DAB1: variants seen among roughly 807,000 people sequenced by gnomAD.
The protein encoded by DAB1 is disabled homolog 1.
Under a neutral mutation model 64.6 loss-of-function variants are expected in DAB1, and 15 were observed. That is an observed-to-expected ratio of 0.23 (90% CI 0.16 to 0.36). The LOEUF (loss-of-function observed/expected upper bound fraction) is 0.36. DAB1 is among the 10% of genes least tolerant of loss of function. The pLI is 1.00. For synonymous variants in DAB1, 235 were observed against 251.9 expected (o/e 0.93, Z 0.64); for missense variants, 596 against 706.7 (o/e 0.84, Z 1.78).
chr1:57,422,570 G>A (rs1311439428), intron 1 of DAB1, among the ~76,000 whole-genome samples: 1 of 152,050 alleles, frequency 6.6e-6, no homozygotes, highest in Non-Finnish European at 1.5e-5. Flanking sequence ...TGCCCGCGTC[G>A]CGGCGCTCTC....
intron 2 of DAB1, among the ~76,000 whole-genome samples, chr1:57,225,623 C>T (rs180883691): frequency 6.6e-6 from 1 of 152,060 alleles, no homozygotes; most frequent in Non-Finnish European, 1.5e-5. Context: ...CAGATAAATT[C>T]AATATAAAGT....
chr1:57,118,410 C>G (rs1389910585), intron 4 of DAB1, among the ~76,000 whole-genome samples: 2 of 152,176 alleles, frequency 1.3e-5, no homozygotes, highest in Admixed American at 6.5e-5. Flanking sequence ...TAGCATATCC[C>G]AGTTAAGGTG....
chr1:57,052,576 A>G (rs1210642686), intron 9 of DAB1, among the ~76,000 whole-genome samples: 2 of 152,220 alleles, frequency 1.3e-5, no homozygotes, highest in East Asian at 3.8e-4. Context: ...GTGAGCTACT[A>G]TAATGTCAAG....
intron 4 of DAB1, among the ~76,000 whole-genome samples, chr1:58,194,692 A>G (rs1290955060): frequency 1.3e-5 from 2 of 152,188 alleles, no homozygotes; most frequent in Non-Finnish European, 1.5e-5. Flanking sequence ...GGTTCTGTGT[A>G]TCAGCTTCCT....
intron 2 of DAB1, among the ~76,000 whole-genome samples, chr1:57,240,320 A>T (rs916385976): frequency 3.9e-5 from 6 of 152,206 alleles, no homozygotes; most frequent in African/African-American, 1.4e-4. Flanking sequence ...TAATACACTT[A>T]AAAAAGACAA....
At chr1:57,341,864 A>G (rs762232002) in intron 1 of DAB1, among the ~76,000 whole-genome samples, 5 of 152,210 alleles carry the variant, frequency 3.3e-5, no homozygotes, top group Non-Finnish European at 7.3e-5. Context: ...TGCTATAGAC[A>G]GCACGCTGTA....
chr1:58,526,343 T>C (rs1646349582), intron 2 of DAB1, among the ~76,000 whole-genome samples: 2 of 152,020 alleles, frequency 1.3e-5, no homozygotes, highest in Admixed American at 6.5e-5. Context: ...TTATGAGAGG[T>C]TCAAATAAAA....
chr1:57,912,704 G>A lies in DAB1; in HGVS notation n.388-28542C>T, dbSNP rs866582117. On this transcript the variant is annotated intron_variant and non_coding_transcript_variant, in intron 5 of 20. Transcript: ENST00000485760. ...TATATCTAGAAAGCCCCATCGTCTC[G>A]GCCCAAAATCTCCTTAAGCTGATAA... Among the ~76,000 whole-genome samples the A allele has an allele frequency of 2.9e-3, 448 of 152,026 alleles. 4 individuals are homozygous for A. The highest frequency in any genetic ancestry group is 6.8e-3 in the Middle Eastern group (2 of 294).
At position 57,337,303 on chromosome 1, in the gene DAB1, C is replaced by T. The variant is rs748993566; in HGVS notation, c.-136-46137G>A. Reference sequence around the variant, plus strand: ...TCTCTATGAACTTCCCACCTTATCCCCTTTATTTCTCTGACCACCACTCTT... The same window carrying T: ...TCTCTATGAACTTCCCACCTTATCCTCTTTATTTCTCTGACCACCACTCTT... On this transcript the variant is annotated intron_variant, in intron 1 of 14. Transcript: ENST00000371236. Among the ~76,000 whole-genome samples, 33 of 152,328 alleles carry T rather than the reference C, an allele frequency of 2.2e-4. No homozygotes were observed. In the Middle Eastern group the frequency reaches 0.01, roughly 47 times the overall value.
chr1:58,341,247 T>C (rs1031740996), intron 4 of DAB1, among the ~76,000 whole-genome samples: 2 of 152,158 alleles, frequency 1.3e-5, no homozygotes, highest in Non-Finnish European at 2.9e-5. Flanking sequence ...CATAATAGTC[T>C]ATCAGTTAAA....
At chr1:57,914,793 A>G (rs2102013944) in intron 5 of DAB1, among the ~76,000 whole-genome samples, 1 of 152,342 alleles carries the variant, frequency 6.6e-6, no homozygotes, top group Admixed American at 6.5e-5. Context: ...TATAAACATT[A>G]TATTGAGCCT....
chr1:58,050,775 C>T (rs906074002), intron 5 of DAB1, among the ~76,000 whole-genome samples: 22 of 152,214 alleles, frequency 1.4e-4, no homozygotes, highest in South Asian at 8.3e-4. Context: ...GTGATCCGCC[C>T]GCCTCGGCCT....
intron 1 of DAB1, among the ~76,000 whole-genome samples, chr1:57,842,847 T>C (rs1451499466): frequency 6.6e-6 from 1 of 152,232 alleles, no homozygotes; most frequent in Non-Finnish European, 1.5e-5. Flanking sequence ...TATCACTTAG[T>C]GTACCTTAAG....
At chr1:58,188,059 C>T (rs893052270) in intron 4 of DAB1, among the ~76,000 whole-genome samples, 1 of 151,950 alleles carries the variant, frequency 6.6e-6, no homozygotes, top group African/African-American at 2.4e-5. Context: ...CAGGAGCCTG[C>T]CACCATGCCC....
At position 57,053,660 on chromosome 1, in the gene DAB1, C is replaced by CTCTA. The variant is rs1399510534; in HGVS notation, c.723+9223_723+9224insTAGA. 4.3e-5 allele frequency among the ~76,000 whole-genome samples: 5 copies of CTCTA among 116,698 alleles called. 1 individual carries two copies. The highest frequency in any genetic ancestry group is 1.7e-4 in the African/African-American group (5 of 30,092). The allele number at this position is 116,698 out of a possible 152,430, so 76.6% of individuals were successfully genotyped here. On this transcript the variant is annotated intron_variant, in intron 9 of 14. Transcript: ENST00000371236. ...TCTAAGAATCTCTCTCTCTCTCTCT[C>CTCTA]TATATGTATATATATATATATATAT...
chr1:57,937,953 G>T (rs1645051169), intron 5 of DAB1, among the ~76,000 whole-genome samples: 1 of 152,328 alleles, frequency 6.6e-6, no homozygotes, highest in East Asian at 1.9e-4. Flanking sequence ...CCCTGTGCAT[G>T]ATGTTACCTA....
chr1:57,411,724 T>C (rs1684130156), intron 1 of DAB1, among the ~76,000 whole-genome samples: 1 of 152,208 alleles, frequency 6.6e-6, no homozygotes, highest in South Asian at 2.1e-4. Flanking sequence ...ACTGGCCCAT[T>C]GGGACAAAAG....
At chr1:57,508,960 A>G (rs1644378034) in intron 7 of DAB1, among the ~76,000 whole-genome samples, 1 of 151,350 alleles carries the variant, frequency 6.6e-6, no homozygotes, top group Non-Finnish European at 1.5e-5. Flanking sequence ...ATGTACATAT[A>G]TAAAATACAT....
At chr1:57,044,649 T>A (rs558038738) in intron 9 of DAB1, among the ~76,000 whole-genome samples, 2 of 152,218 alleles carry the variant, frequency 1.3e-5, no homozygotes, top group South Asian at 2.1e-4. Context: ...GTGTCTTTAC[T>A]CACACGTTTG....
Sources: gnomAD v4.1 joint callset for allele counts (sites outside exome capture counted in the v4.1 genomes callset) on GRCh38, gnomAD v4.1.1 for gene constraint, MANE v1.5 for transcripts, NCBI Gene and HGNC (gene_info 2026-07-23, HGNC 2026-07-21) for gene names.